The following MLIP variants were observed in gnomAD, a reference collection of about 807,000 sequenced individuals.
MLIP encodes muscular LMNA interacting protein, also known as muscular LMNA-interacting protein.
Under a neutral mutation model 84.8 loss-of-function variants are expected in MLIP, and 79 were observed. The ratio of observed to expected loss-of-function variants is 0.93; its 90% CI spans 0.78 to 1.12. The LOEUF (loss-of-function observed/expected upper bound fraction) is 1.12. Among genes scored for constraint, MLIP ranks in the 50% most tolerant of loss-of-function variants. MLIP has a pLI of 0.00. For synonymous variants in MLIP, 504 were observed against 463.0 expected, an observed-to-expected ratio of 1.09 and a Z score of -1.14; for missense variants, 1,257 against 1,160.6, an observed-to-expected ratio of 1.08 and a Z score of -1.21.
intron 12 of MLIP, among the ~76,000 whole-genome samples, chr6:54,253,661 G>A (rs548741170): frequency 6.6e-6 from 1 of 152,216 alleles, no homozygotes; most frequent in African/African-American, 2.4e-5. Context: ...ATCTCTTTGT[G>A]AGTGTGGTTT....
At chr6:54,133,906 T>C (rs1293383905) in intron 3 of MLIP, among the ~76,000 whole-genome samples, 1 of 152,108 alleles carries the variant, frequency 6.6e-6, no homozygotes, top group Non-Finnish European at 1.5e-5. Flanking sequence ...GGAACCAGCA[T>C]AGTTCTGGGT....
intron 1 of MLIP, among the ~76,000 whole-genome samples, chr6:54,117,906 C>T (rs1344962871): frequency 1.3e-5 from 2 of 152,066 alleles, no homozygotes; most frequent in African/African-American, 4.8e-5. Flanking sequence ...GATCGTGCCA[C>T]TGCACTCTAA....
intron 10 of MLIP, among the ~76,000 whole-genome samples, chr6:54,197,954 A>G (rs966843468): frequency 3.3e-5 from 5 of 152,140 alleles, no homozygotes; most frequent in Admixed American, 6.6e-5. Context: ...ATCAGCAAAG[A>G]TCACTACACA....
At chr6:54,163,143 A>C (rs1448719281) in intron 8 of MLIP, among the ~76,000 whole-genome samples, 2 of 152,020 alleles carry the variant, frequency 1.3e-5, no homozygotes, top group African/African-American at 4.8e-5. Context: ...TTATCAGCAT[A>C]TATAATCATT....
chr6:54,047,005 T>C (rs1765098049), intron 1 of MLIP: 1 of 152,218 alleles, frequency 6.6e-6, no homozygotes, highest in Non-Finnish European at 1.5e-5. Flanking sequence ...GAAACAGAGT[T>C]CACTGCACTT....
At chr6:54,084,375 G>A (rs1767354720) in intron 1 of MLIP, among the ~76,000 whole-genome samples, 1 of 152,186 alleles carries the variant, frequency 6.6e-6, no homozygotes, top group African/African-American at 2.4e-5. Context: ...ACTGCTGGGT[G>A]TGTCAAGCCT....
At chr6:54,263,087 G>A (rs1415092887) in intron 13 of MLIP, among the ~76,000 whole-genome samples, 1 of 152,056 alleles carries the variant, frequency 6.6e-6, no homozygotes, top group Non-Finnish European at 1.5e-5. Context: ...TCATTGTCAA[G>A]TTGAGCAGAA....
upstream of MLIP, among the ~76,000 whole-genome samples, chr6:54,108,047 C>A (rs1368906294): frequency 6.6e-6 from 1 of 152,068 alleles, no homozygotes; most frequent in African/African-American, 2.4e-5. Flanking sequence ...TCTTAAGAGT[C>A]TTTCAGCTGA....
At chr6:54,056,899 A>G (rs895280095) in intron 1 of MLIP, among the ~76,000 whole-genome samples, 1 of 152,212 alleles carries the variant, frequency 6.6e-6, no homozygotes, top group African/African-American at 2.4e-5. Flanking sequence ...TTACATCTCT[A>G]CCATGATTTG....
At chr6:54,144,161 A>G (rs976570970) in intron 4 of MLIP, among the ~76,000 whole-genome samples, 2 of 152,146 alleles carry the variant, frequency 1.3e-5, no homozygotes, top group African/African-American at 4.8e-5. Flanking sequence ...TGTCTGGGCA[A>G]TCCCTATGAA....
intron 1 of MLIP, among the ~76,000 whole-genome samples, chr6:54,105,458 A>C (rs1392607900): frequency 1.3e-5 from 2 of 152,230 alleles, no homozygotes; most frequent in African/African-American, 2.4e-5. Context: ...GTTCACTTTC[A>C]GTCAAAAAGT....
upstream of MLIP, chr6:54,111,407 G>T (rs930906156): frequency 2.0e-5 from 30 of 1,527,968 alleles, no homozygotes; most frequent in Non-Finnish European, 2.6e-5. Flanking sequence ...GTGAGTGTGT[G>T]TGTGTTGTTT....
chr6:54,128,535 AG>A (rs1771116511), intron 3 of MLIP, among the ~76,000 whole-genome samples: 1 of 152,172 alleles, frequency 6.6e-6, no homozygotes, highest in Non-Finnish European at 1.5e-5. Context: ...ATATAAAACA[AG>A]GTAAAATAAA....
At chr6:54,057,791 A>G (rs1765746751) in intron 1 of MLIP, among the ~76,000 whole-genome samples, 1 of 152,178 alleles carries the variant, frequency 6.6e-6, no homozygotes, top group South Asian at 2.1e-4. Context: ...AAGAATTCCA[A>G]GATGCAGTAT....
At chr6:54,090,785 C>A (rs558565362) in intron 1 of MLIP, among the ~76,000 whole-genome samples, 1 of 151,956 alleles carries the variant, frequency 6.6e-6, no homozygotes, top group Non-Finnish European at 1.5e-5. Flanking sequence ...TCCTAAAGTT[C>A]CAAGCCATGG....
intron 1 of MLIP, chr6:54,083,449 T>C (rs115220553): frequency 1.1e-3 from 1,722 of 1,518,552 alleles, no homozygotes; most frequent in Non-Finnish European, 1.4e-3. Flanking sequence ...TGCTTTGTCA[T>C]CTTTGCAGCT....
At chr6:54,185,878 A>G (rs1481760232) in intron 9 of MLIP, among the ~76,000 whole-genome samples, 1 of 152,168 alleles carries the variant, frequency 6.6e-6, no homozygotes, top group East Asian at 1.9e-4. Context: ...AGGTGAACTG[A>G]CAAAAACACC....
At chr6:54,101,990 A>G (rs538306723) in intron 1 of MLIP, among the ~76,000 whole-genome samples, 1 of 152,238 alleles carries the variant, frequency 6.6e-6, no homozygotes, top group African/African-American at 2.4e-5. Flanking sequence ...GAACCATATT[A>G]GAAAGAAGAT....
At chr6:54,115,501 G>A (rs1168405544) in intron 1 of MLIP, among the ~76,000 whole-genome samples, 4 of 152,244 alleles carry the variant, frequency 2.6e-5, no homozygotes, top group African/African-American at 7.2e-5. Flanking sequence ...AACAAATTAC[G>A]GAAGGTTTGC....
Sources: allele counts gnomAD v4.1 joint callset (sites outside exome capture counted in the v4.1 genomes callset), GRCh38; gene constraint gnomAD v4.1.1; transcripts MANE v1.5; gene names NCBI Gene and HGNC (gene_info 2026-07-23, HGNC 2026-07-21).